The following WDR43 variants were observed in gnomAD, a reference collection of about 807,000 sequenced individuals.
WDR43 encodes the protein WD repeat-containing protein 43.
Under a neutral mutation model 91.4 loss-of-function variants are expected in WDR43, and 13 were observed. The observed-to-expected ratio is 0.14, with a 90% CI of 0.09 to 0.23. The LOEUF is 0.23. Ranked by LOEUF, WDR43 falls within the 10% of genes least tolerant of loss-of-function variation. The probability of loss-of-function intolerance (pLI) is 1.00; values close to 1 mark genes in which losing one functional copy is unlikely to be tolerated. For missense variants in WDR43, 780 were observed against 809.4 expected, an observed-to-expected ratio of 0.96 and a Z score of 0.44; for synonymous variants, 331 against 287.9, an observed-to-expected ratio of 1.15 and a Z score of -1.51.
rs187953815 is a variant in WDR43 at position 28,912,583 on chromosome 2, A to C, written c.486-7A>C. The C allele has an allele frequency of 1.2e-6, 2 of 1,611,140 alleles. No homozygotes were observed. Among genetic ancestry groups the C allele is most frequent in the Admixed American group, 1.7e-5 (1 of 59,556 alleles). ...TTGAGATGCTTTTTTTTCTCTTCAC[A>C]ATATAGCAAATGGAAAGGCGACAAT... On this transcript the variant is annotated splice_polypyrimidine_tract_variant and splice_region_variant and intron_variant, in intron 3 of 17. Transcript: ENST00000407426.
intron 7 of WDR43, 87 bp from the exon 8 acceptor site, chr2:28,924,895 A>C (rs1028251169): frequency 2.0e-6 from 3 of 1,495,738 alleles, no homozygotes. Flanking sequence ...GAGGGGGGTC[A>C]CATTTCGTGA....
chr2:28,930,676 G>T (rs930632156), intron 11 of WDR43, among the ~76,000 whole-genome samples: 2 of 152,186 alleles, frequency 1.3e-5, no homozygotes, highest in African/African-American at 4.8e-5. Flanking sequence ...TAACTTAACT[G>T]CCCTCATTGC....
rs769043130 is a variant in WDR43 at position 28,926,526 on chromosome 2, C to T, written c.1145C>T (p.Ala382Val). ...GTAAGAGATATTTCAAACTGCTGGG[C>T]CCCCAAAGTAGAAACAGCTATAACA... ...CLVRDISNCW[A>V]PKVETAITKV... Residue 382 changes from alanine to valine, a missense_variant, in exon 9 of 18, where the codon GCC becomes GTC. Around this residue, in one of 4 missense-constraint regions of WDR43, gnomAD observed 426 missense variants for 467.8 expected, o/e 0.91. Coordinates refer to ENST00000407426, the MANE Select transcript of WDR43 (RefSeq NM_015131.3). 3 of 1,598,962 alleles carry T rather than the reference C, an allele frequency of 1.9e-6. No individual in the cohort carries two copies. Among genetic ancestry groups the T allele is most frequent in the Non-Finnish European group, 2.6e-6 (3 of 1,171,996 alleles).
chr2:28,935,133 C>T (rs1213914757), intron 11 of WDR43, among the ~76,000 whole-genome samples: 1 of 152,132 alleles, frequency 6.6e-6, no homozygotes, highest in Non-Finnish European at 1.5e-5. Context: ...GGATTTCTTG[C>T]TTTCTAAGTA....
At chr2:28,907,404 C>T (rs1295462229) in intron 3 of WDR43, among the ~76,000 whole-genome samples, 1 of 122,320 alleles carries the variant, frequency 8.2e-6, no homozygotes, top group African/African-American at 3.2e-5. Context: ...GGGAGGATTG[C>T]TTGAGACCAG....
chr2:28,934,273 G>A (rs939352036), intron 11 of WDR43, among the ~76,000 whole-genome samples: 1 of 152,176 alleles, frequency 6.6e-6, no homozygotes, highest in Non-Finnish European at 1.5e-5. Context: ...TGGGAATCGG[G>A]GTGGAAGGAG....
At chr2:28,921,646 C>T (rs13008915) in intron 6 of WDR43, among the ~76,000 whole-genome samples, 85,961 of 152,034 alleles carry the variant, frequency 0.57, 26,439 homozygotes, top group Middle Eastern at 0.75. Flanking sequence ...GGATGCCTGT[C>T]AGTTGGAGTT....
At chr2:28,921,439 T>C (rs1391632101) in intron 6 of WDR43, among the ~76,000 whole-genome samples, 1 of 152,206 alleles carries the variant, frequency 6.6e-6, no homozygotes, top group African/African-American at 2.4e-5. Context: ...TAAATGATTT[T>C]TTAAGATATT....
intron 6 of WDR43, among the ~76,000 whole-genome samples, chr2:28,918,922 G>C (rs934532423): frequency 6.6e-6 from 1 of 152,198 alleles, no homozygotes; most frequent in South Asian, 2.1e-4. Context: ...TTAACCTCTA[G>C]GATTTAGAGA....
chr2:28,943,941 A>G (rs983449098), intron 16 of WDR43, among the ~76,000 whole-genome samples: 6 of 152,132 alleles, frequency 3.9e-5, no homozygotes, highest in African/African-American at 1.4e-4. Context: ...CAATTTGCAT[A>G]TCCTTCCATT....
chr2:28,914,825 A>T (rs946301125), intron 5 of WDR43, among the ~76,000 whole-genome samples: 1 of 152,304 alleles, frequency 6.6e-6, no homozygotes, highest in Admixed American at 6.5e-5. Context: ...GCTACTCGGG[A>T]GGCTGAGGCA....
At chr2:28,901,201 G>A (rs536061042) in intron 1 of WDR43, among the ~76,000 whole-genome samples, 121 of 152,284 alleles carry the variant, frequency 7.9e-4, no homozygotes, top group Non-Finnish European at 1.4e-3. Flanking sequence ...AAAAAAACAC[G>A]GAAGAGAAGT....
rs868507978 is a variant in WDR43, at chr2:28,921,124, A to T, written c.850-1795A>T. On this transcript the variant is annotated intron_variant, in intron 6 of 17. Coordinates refer to ENST00000407426, the MANE Select transcript of WDR43 (RefSeq NM_015131.3). Reference sequence around the variant, plus strand: ...AATAAAGAAGGGAGCAGAACTTTTTAAAAAAAATTTTTTTTTTTTTTTGAG... The same window carrying T: ...AATAAAGAAGGGAGCAGAACTTTTTTAAAAAAATTTTTTTTTTTTTTTGAG... Among the ~76,000 whole-genome samples, 230 of 138,780 alleles carry T rather than the reference A, an allele frequency of 1.7e-3. 1 individual carries two copies. Among genetic ancestry groups the T allele is most frequent in the African/African-American group, 1.7e-3 (62 of 36,608 alleles). 91.0% of individuals were successfully genotyped at this position (138,780 alleles called of 152,430 possible).
intron 5 of WDR43, 79 bp from the exon 6 acceptor site, chr2:28,917,814 A>G (rs1031310993): frequency 9.7e-6 from 12 of 1,243,250 alleles, no homozygotes; most frequent in South Asian, 4.1e-5. Context: ...GCTGATCTCC[A>G]TGCCTCCTTA....
rs140385769 is a variant in WDR43, at chr2:28,916,099, A to G, written c.747-1794A>G. On this transcript the variant is annotated intron_variant, in intron 5 of 17. Coordinates refer to ENST00000407426, the MANE Select transcript of WDR43 (RefSeq NM_015131.3). The stretch of plus-strand genomic sequence containing the variant: ...CTGATGAGTTGTAACATACATATAC[A>G]TTGTGAAACCCTCACCACAAACAAG... Among the ~76,000 whole-genome samples the G allele has an allele frequency of 2.4e-3, 373 of 152,330 alleles. 4 individuals carry two copies. The highest frequency in any genetic ancestry group is 8.6e-3 in the African/African-American group (358 of 41,574).
In WDR43 at chr2:28,937,836, A is replaced by G. The variant is rs560085733; in HGVS notation, c.1557-95A>G. Reference sequence around the variant, plus strand: ...CAGTCATTTTCACAGAGCAACATTTATAGACCTTCACTTGTCTGTCTGGGT... The same window carrying G: ...CAGTCATTTTCACAGAGCAACATTTGTAGACCTTCACTTGTCTGTCTGGGT... On this transcript the variant is annotated intron_variant, in intron 13 of 17. Transcript: ENST00000407426. 8.1e-5 allele frequency: 93 copies of G among 1,152,516 alleles called. No individual in the cohort carries two copies. The African/African-American group carries it at 1.3e-3, about 16-fold the overall frequency. The allele number at this position is 1,152,516 out of a possible 1,614,324, so 71.4% of individuals were successfully genotyped here.
intron 3 of WDR43, among the ~76,000 whole-genome samples, 191 bp from the exon 4 acceptor site, chr2:28,912,399 A>G (rs945111052): frequency 3.9e-5 from 6 of 152,198 alleles, no homozygotes; most frequent in African/African-American, 1.4e-4. Flanking sequence ...AAGGAATGCA[A>G]TCAATGAAGC....
chr2:28,907,716 T>C (rs1670709104), intron 3 of WDR43, among the ~76,000 whole-genome samples: 1 of 152,034 alleles, frequency 6.6e-6, no homozygotes, highest in South Asian at 2.1e-4. Flanking sequence ...CCATCCTGGC[T>C]AACATGGGGT....
chr2:28,894,777 G>A lies in WDR43; in HGVS notation c.79G>A (p.Ala27Thr), dbSNP rs1210508323. Residue 27 changes from alanine (A) to threonine (T), a missense_variant, in exon 1 of 18, where the codon GCC becomes ACC. Ala to Thr is a moderately conservative substitution (Grantham distance 58). Transcript: ENST00000407426. ...VPCAFSPHSQAYFALASTDGH... is the reference protein window; with the variant it reads ...VPCAFSPHSQTYFALASTDGH... ...TTGCGCCTTCTCCCCGCACAGCCAG[G>A]CCTACTTCGCTTTGGCCTCTACCGA... 3 of 1,607,248 alleles carry A rather than the reference G, an allele frequency of 1.9e-6. No individual in the cohort carries two copies. The highest frequency in any genetic ancestry group is 1.3e-5 in the African/African-American group (1 of 74,824).
Sources: allele counts gnomAD v4.1 joint callset (sites outside exome capture counted in the v4.1 genomes callset), GRCh38; gene constraint gnomAD v4.1.1; regional missense constraint gnomAD v4.1.1; transcripts MANE v1.5; gene names NCBI Gene and HGNC (gene_info 2026-07-23, HGNC 2026-07-21).